Variants in DPYSL3 observed in about 807,000 individuals in gnomAD.
DPYSL3 encodes the protein dihydropyrimidinase like 3, also known as dihydropyrimidinase-related protein 3.
In DPYSL3, 16 loss-of-function variants were observed where a neutral mutation model predicts 66.1. The observed-to-expected ratio is 0.24, with a 90% CI of 0.16 to 0.37. The LOEUF (loss-of-function observed/expected upper bound fraction) is 0.37. Among genes scored for constraint, DPYSL3 ranks in the 10% least tolerant of loss-of-function variants. DPYSL3 has a pLI of 1.00. For missense variants in DPYSL3, 738 were observed against 916.2 expected, an observed-to-expected ratio of 0.81 and a Z score of 2.51; for synonymous variants, 338 against 345.1, an observed-to-expected ratio of 0.98 and a Z score of 0.23.
At chr5:147,415,987 T>A in intron 3 of DPYSL3, 114 bp from the exon 4 acceptor site, 1 of 1,223,438 alleles carries the variant, frequency 8.2e-7, no homozygotes, top group Non-Finnish European at 1.1e-6. Context: ...TTCCTGAGCA[T>A]GGAATTAACT....
chr5:147,510,045 G>A lies in DPYSL3; in HGVS notation c.-187C>T, dbSNP rs572309680. 1 of 1,027,476 alleles carries A rather than the reference G, an allele frequency of 9.7e-7. No individual in the cohort carries two copies. Among genetic ancestry groups the A allele is most frequent in the African/African-American group, 1.7e-5 (1 of 59,848 alleles). The allele number at this position is 1,027,476 out of a possible 1,614,324, so 63.6% of individuals were successfully genotyped here. On this transcript the variant is annotated 5_prime_UTR_variant, in exon 1 of 14. Coordinates refer to ENST00000343218, the MANE Select transcript of DPYSL3 (RefSeq NM_001197294.2). ...AGCCAGCGAGCCACACAGCCAGCTA[G>A]CGCGCGGAGCAGGGGCCCAGAGTAG... is the stretch of plus-strand genomic sequence containing the variant.
intron 1 of DPYSL3, among the ~76,000 whole-genome samples, chr5:147,507,392 A>G (rs975415305): frequency 1.3e-5 from 2 of 151,378 alleles, no homozygotes; most frequent in Admixed American, 6.6e-5. Flanking sequence ...TTCATGAGGT[A>G]GTGAGCTCCC....
rs971203724 is a variant in DPYSL3 at position 147,509,954 on chromosome 5, G to T, written c.-96C>A. The T allele has an allele frequency of 7.7e-6, 11 of 1,433,286 alleles. No homozygotes were observed. The African/African-American group carries it at 1.4e-4, about 19-fold the overall frequency. The allele number at this position is 1,433,286 out of a possible 1,614,324, so 88.8% of individuals were successfully genotyped here. A position where few individuals can be genotyped will look rare whatever the true frequency, so the allele number is the denominator to read the frequency against. On this transcript the variant is annotated 5_prime_UTR_variant, in exon 1 of 14. Coordinates refer to ENST00000343218, the MANE Select transcript of DPYSL3 (RefSeq NM_001197294.2). The surrounding 1 kb of genome is among the most constrained non-coding windows in gnomAD (Gnocchi z 5.3). ...CGCCGAGCCACAGTGACTGTGGCGG[G>T]AGGAGGCGCCTGAGCCTTCGCGCCA...
At chr5:147,459,694 C>T (rs1180075482) in intron 1 of DPYSL3, among the ~76,000 whole-genome samples, 1 of 152,172 alleles carries the variant, frequency 6.6e-6, no homozygotes, top group Non-Finnish European at 1.5e-5. Context: ...TGCAATCCTA[C>T]GTCTCTCTAG....
chr5:147,480,436 G>A (rs1753217969), intron 1 of DPYSL3, among the ~76,000 whole-genome samples: 1 of 151,558 alleles, frequency 6.6e-6, no homozygotes, highest in South Asian at 2.1e-4. Context: ...TCCAACATGT[G>A]TATAATCGAC....
At chr5:147,506,560 A>G (rs1753687476) in intron 1 of DPYSL3, among the ~76,000 whole-genome samples, 2 of 152,210 alleles carry the variant, frequency 1.3e-5, no homozygotes, top group Admixed American at 1.3e-4. Context: ...TGAAAAGGAA[A>G]TCAGGATGGT....
intron 1 of DPYSL3, among the ~76,000 whole-genome samples, chr5:147,436,419 T>G (rs1752415458): frequency 6.6e-6 from 1 of 152,172 alleles, no homozygotes; most frequent in Non-Finnish European, 1.5e-5. Flanking sequence ...AAACAAAAAA[T>G]GCTGTATGTA....
chr5:147,438,100 T>A (rs535357243), intron 1 of DPYSL3, among the ~76,000 whole-genome samples: 1 of 152,224 alleles, frequency 6.6e-6, no homozygotes, highest in Non-Finnish European at 1.5e-5. Context: ...GAGTTCGCTC[T>A]TTTTTTCTGG....
At chr5:147,425,047 T>C in intron 1 of DPYSL3, 84 bp from the exon 2 acceptor site, 1 of 1,033,246 alleles carries the variant, frequency 9.7e-7, no homozygotes, top group Non-Finnish European at 1.5e-6. Flanking sequence ...CAATTCATTG[T>C]TCTAGATGTC....
intron 1 of DPYSL3, among the ~76,000 whole-genome samples, chr5:147,433,767 C>T (rs111464435): frequency 0.016 from 2,400 of 152,312 alleles, 66 homozygotes; most frequent in African/African-American, 0.055. Flanking sequence ...GGCGCAGTGG[C>T]TCACGCCTGT....
At chr5:147,462,533 C>G (rs1424314353) in intron 1 of DPYSL3, among the ~76,000 whole-genome samples, 2 of 152,076 alleles carry the variant, frequency 1.3e-5, no homozygotes, top group Non-Finnish European at 2.9e-5. Flanking sequence ...TTGGGCATGC[C>G]ACAACTTCTT....
chr5:147,483,968 TC>T, intron 1 of DPYSL3, among the ~76,000 whole-genome samples: 1 of 152,348 alleles, frequency 6.6e-6, no homozygotes, highest in South Asian at 2.1e-4. Context: ...CACGTCACTT[TC>T]CATCTCTGTC....
rs531129457 is a variant in DPYSL3 at position 147,405,901 on chromosome 5, G to A, written c.1033-171C>T. 5.9e-5 allele frequency: 45 copies of A among 763,968 alleles called. 2 individuals carry two copies. The South Asian group carries it at 1.1e-3, about 18-fold the overall frequency. 47.3% of individuals were successfully genotyped at this position (763,968 alleles called of 1,614,324 possible). On this transcript the variant is annotated intron_variant, in intron 7 of 13. Transcript: ENST00000343218. Reference sequence around the variant, plus strand: ...ATCTCAGATCTACCACTTCCTAACTGTGTCACTTTACTCAGCTTCCCAGTG... The same window carrying A: ...ATCTCAGATCTACCACTTCCTAACTATGTCACTTTACTCAGCTTCCCAGTG...
At chr5:147,399,002 C>A in intron 11 of DPYSL3, 80 bp downstream of exon 11, 2 of 1,548,308 alleles carry the variant, frequency 1.3e-6, no homozygotes, top group Admixed American at 3.7e-5. Context: ...CCCTGGCACA[C>A]CACATAAACA....
intron 2 of DPYSL3, among the ~76,000 whole-genome samples, chr5:147,424,518 T>G (rs1244528194): frequency 1.3e-5 from 2 of 152,198 alleles, no homozygotes; most frequent in African/African-American, 4.8e-5. Flanking sequence ...GATTAAATAC[T>G]CTCTCTACCC....
rs567906903 is a variant in DPYSL3 at position 147,509,919 on chromosome 5, C to T, written c.-61G>A. 163 of 1,454,418 alleles carry T rather than the reference C, an allele frequency of 1.1e-4. No individual in the cohort carries two copies. The highest frequency in any genetic ancestry group is 1.4e-4 in the Non-Finnish European group (160 of 1,106,444). The allele number at this position is 1,454,418 out of a possible 1,614,324, so 90.1% of individuals were successfully genotyped here. On this transcript the variant is annotated 5_prime_UTR_variant, in exon 1 of 14. Transcript: ENST00000343218. The surrounding 1 kb of genome is among the most constrained non-coding windows in gnomAD (Gnocchi z 5.3). The stretch of plus-strand genomic sequence containing the variant: ...CCCCAGAGGCGGAAAGGGCAGCCGC[C>T]GGCAGCGTGCGCCGAGCCACAGTGA...
chr5:147,461,491 T>G (rs1035283016), intron 1 of DPYSL3, among the ~76,000 whole-genome samples: 1 of 152,134 alleles, frequency 6.6e-6, no homozygotes, highest in Non-Finnish European at 1.5e-5. Flanking sequence ...TTTTGCCTAT[T>G]AAACTTCCAC....
intron 7 of DPYSL3, among the ~76,000 whole-genome samples, chr5:147,406,838 C>T (rs778003708): frequency 5.3e-5 from 8 of 152,184 alleles, no homozygotes; most frequent in Non-Finnish European, 1.2e-4. Flanking sequence ...TGCAGATGCC[C>T]AATGGCTGTA....
At chr5:147,429,856 G>A (rs1413653834) in intron 1 of DPYSL3, among the ~76,000 whole-genome samples, 2 of 152,160 alleles carry the variant, frequency 1.3e-5, no homozygotes, top group East Asian at 3.9e-4. Context: ...CAGGTAGGTA[G>A]CTTTAGGAAT....
Sources: gnomAD v4.1 joint callset for allele counts (sites outside exome capture counted in the v4.1 genomes callset) on GRCh38, gnomAD v4.1.1 for gene constraint, Gnocchi (gnomAD v3.1) non-coding constraint, MANE v1.5 for transcripts, NCBI Gene and HGNC (gene_info 2026-07-23, HGNC 2026-07-21) for gene names.